The following BCKDHB variants were observed in gnomAD, a reference collection of about 807,000 sequenced individuals.
BCKDHB encodes 2-oxoisovalerate dehydrogenase subunit beta, mitochondrial.
A neutral mutation model predicts 48.5 loss-of-function variants in BCKDHB; 41 were observed. The ratio of observed to expected loss-of-function variants is 0.85; its 90% confidence interval spans 0.66 to 1.10. The LOEUF is 1.10. Ranked by LOEUF, BCKDHB falls within the 50% of genes least tolerant of loss-of-function variation. BCKDHB has a pLI of 0.00. For missense variants in BCKDHB, 496 were observed against 494.2 expected, an observed-to-expected ratio of 1.00 and a Z score of -0.03; for synonymous variants, 201 against 174.8, an observed-to-expected ratio of 1.15 and a Z score of -1.18.
chr6:80,222,990 G>A lies in BCKDHB; in HGVS notation c.951+19778G>A, dbSNP rs554560211. 5.3e-5 allele frequency among the ~76,000 whole-genome samples: 8 copies of A among 152,306 alleles called. No homozygotes were observed. The East Asian group carries it at 1.5e-3, about 29-fold the overall frequency. On this transcript the variant is annotated intron_variant, in intron 8 of 9. Transcript: ENST00000320393. ...GAAGATGGGGAAAAGTTATGTTGAT[G>A]AAGGTAGGGATGTTGGCAAGATCTA...
At chr6:80,131,932 C>T (rs888869388) in intron 3 of BCKDHB, among the ~76,000 whole-genome samples, 1 of 152,142 alleles carries the variant, frequency 6.6e-6, no homozygotes, top group Non-Finnish European at 1.5e-5. Context: ...TGAGCCACTG[C>T]GCCTGGCTAC....
At chr6:80,369,418 A>G in the BCKDHB span, among the ~76,000 whole-genome samples, 1 of 152,222 alleles carries the variant, frequency 6.6e-6, no homozygotes, top group African/African-American at 2.4e-5. Flanking sequence ...TAAAAACAAC[A>G]TCAATAACAA....
chr6:80,414,327 T>A, the BCKDHB span, among the ~76,000 whole-genome samples: 1 of 152,184 alleles, frequency 6.6e-6, no homozygotes. Context: ...AATTTTGGCT[T>A]TTTTTGCCAT....
chr6:80,168,737 A>T, intron 4 of BCKDHB, 138 bp from the exon 5 acceptor site: 1 of 906,430 alleles, frequency 1.1e-6, no homozygotes. Context: ...GAAGAGGGGG[A>T]GGGAGGCAGG....
intron 9 of BCKDHB, among the ~76,000 whole-genome samples, chr6:80,281,497 G>A (rs1331730670): frequency 1.3e-5 from 2 of 152,204 alleles, no homozygotes; most frequent in Non-Finnish European, 2.9e-5. Flanking sequence ...GGTGACTGAT[G>A]AAAACAGAAG....
At chr6:80,392,507 C>T in the BCKDHB span, among the ~76,000 whole-genome samples, 5 of 151,700 alleles carry the variant, frequency 3.3e-5, no homozygotes, top group Admixed American at 1.3e-4. Flanking sequence ...TTAAATTTGT[C>T]CTCAATAATA....
intron 3 of BCKDHB, among the ~76,000 whole-genome samples, chr6:80,151,433 G>GT (rs1392449063): frequency 1.1e-4 from 15 of 140,764 alleles, no homozygotes; most frequent in Admixed American, 2.1e-4. Context: ...TTTTTTTTTT[G>GT]TTTTTTTGTT....
At chr6:80,358,073 T>G in the BCKDHB span, among the ~76,000 whole-genome samples, 1 of 152,174 alleles carries the variant, frequency 6.6e-6, no homozygotes, top group African/African-American at 2.4e-5. Flanking sequence ...AATAGGCCAT[T>G]GCTTAATTTT....
At chr6:80,130,693 T>C (rs1225922136) in intron 3 of BCKDHB, among the ~76,000 whole-genome samples, 1 of 152,182 alleles carries the variant, frequency 6.6e-6, no homozygotes, top group African/African-American at 2.4e-5. Context: ...ATTTGGAAAA[T>C]ATAGAAAAGC....
chr6:80,372,271 C>T, the BCKDHB span, among the ~76,000 whole-genome samples: 1 of 151,916 alleles, frequency 6.6e-6, no homozygotes, highest in Admixed American at 6.6e-5. Flanking sequence ...AGCTTGGTCA[C>T]TGTTGGTGTA....
intron 3 of BCKDHB, among the ~76,000 whole-genome samples, chr6:80,154,321 A>C (rs2060674654): frequency 6.6e-6 from 1 of 152,158 alleles, no homozygotes; most frequent in Non-Finnish European, 1.5e-5. Flanking sequence ...ATATCAAGTG[A>C]TATTTTTTAC....
At chr6:80,303,169 T>G (rs1767672723) in intron 9 of BCKDHB, among the ~76,000 whole-genome samples, 1 of 152,146 alleles carries the variant, frequency 6.6e-6, no homozygotes, top group Non-Finnish European at 1.5e-5. Flanking sequence ...AATCTTTTAT[T>G]TTTTAATTTA....
chr6:80,151,247 A>G lies in BCKDHB; in HGVS notation c.344-16431A>G, dbSNP rs150935884. Among the ~76,000 whole-genome samples the G allele has an allele frequency of 1.7e-3, 265 of 152,296 alleles. 1 individual carries two copies. Among genetic ancestry groups the G allele is most frequent in the African/African-American group, 6.0e-3 (251 of 41,584 alleles). Reference sequence around the variant, plus strand: ...TCATTGGAGTGTGAACTAGAAAAATACTATACACAAGTAATTAGATTGTAG... The same window carrying G: ...TCATTGGAGTGTGAACTAGAAAAATGCTATACACAAGTAATTAGATTGTAG... On this transcript the variant is annotated intron_variant, in intron 3 of 9. Coordinates refer to ENST00000320393, the MANE Select transcript of BCKDHB (RefSeq NM_183050.4).
In BCKDHB at chr6:80,189,925, A is replaced by G. The variant is rs182533477; in HGVS notation, c.743-11009A>G. 3.3e-3 allele frequency among the ~76,000 whole-genome samples: 495 copies of G among 152,294 alleles called. 3 individuals carry two copies. The highest frequency in any genetic ancestry group is 0.011 in the African/African-American group (472 of 41,562). On this transcript the variant is annotated intron_variant, in intron 6 of 9. Coordinates refer to ENST00000320393, the MANE Select transcript of BCKDHB (RefSeq NM_183050.4). Reference sequence around the variant, plus strand: ...AGCACTGAATATAGCTAGGGTATGAAGTGATTAATATTGGACTACAAATAA... The same window carrying G: ...AGCACTGAATATAGCTAGGGTATGAGGTGATTAATATTGGACTACAAATAA...
At chr6:80,395,303 A>T in the BCKDHB span, among the ~76,000 whole-genome samples, 1 of 152,214 alleles carries the variant, frequency 6.6e-6, no homozygotes. Context: ...AGACAGGAAG[A>T]TGTGGGAAAG....
chr6:80,257,231 A>G (rs1469571897), intron 8 of BCKDHB, among the ~76,000 whole-genome samples: 2 of 151,970 alleles, frequency 1.3e-5, no homozygotes, highest in African/African-American at 4.8e-5. Context: ...GGGCTGATTC[A>G]CCACTTTTGG....
the BCKDHB span, among the ~76,000 whole-genome samples, chr6:80,400,128 C>T: frequency 1.3e-5 from 2 of 151,918 alleles, no homozygotes; most frequent in Non-Finnish European, 2.9e-5. Context: ...AATAAAAACC[C>T]TGGAAGACAA....
chr6:80,211,418 G>T (rs1774928060), intron 8 of BCKDHB, among the ~76,000 whole-genome samples: 1 of 152,164 alleles, frequency 6.6e-6, no homozygotes, highest in Admixed American at 6.5e-5. Flanking sequence ...TGATCCTGCT[G>T]CAGACTACTA....
the BCKDHB span, among the ~76,000 whole-genome samples, chr6:80,430,078 C>T: frequency 4.6e-5 from 7 of 152,100 alleles, no homozygotes; most frequent in African/African-American, 1.4e-4. Flanking sequence ...GCATGAAGGG[C>T]TGTTGAATTT....
Sources: gnomAD v4.1 joint callset for allele counts (sites outside exome capture counted in the v4.1 genomes callset) on GRCh38, gnomAD v4.1.1 for gene constraint, MANE v1.5 for transcripts, NCBI Gene and HGNC (gene_info 2026-07-23, HGNC 2026-07-21) for gene names.